NAF1: variants seen among roughly 807,000 people sequenced by gnomAD.
The protein encoded by NAF1 is nuclear assembly factor 1 ribonucleoprotein, also known as H/ACA ribonucleoprotein complex non-core subunit NAF1.
In NAF1, 11 loss-of-function variants were observed where a neutral mutation model predicts 40.6. The observed-to-expected ratio is 0.27, with a 90% CI of 0.17 to 0.45. The LOEUF (loss-of-function observed/expected upper bound fraction) is 0.45, where lower values mean the gene tolerates loss of function less well. Among genes scored for constraint, NAF1 ranks in the 20% least tolerant of loss-of-function variants. The pLI, the probability that NAF1 is intolerant of heterozygous loss-of-function variation, is 1.00. For synonymous variants in NAF1, 260 were observed against 228.5 expected, an observed-to-expected ratio of 1.14 and a Z score of -1.24; for missense variants, 607 against 611.1, an observed-to-expected ratio of 0.99 and a Z score of 0.07.
chr4:163,118,416 A>G (rs1353275937), intron 2 of NAF1, among the ~76,000 whole-genome samples: 1 of 152,226 alleles, frequency 6.6e-6, no homozygotes, highest in Non-Finnish European at 1.5e-5. Flanking sequence ...ATGAGAACTG[A>G]AGTCTATTCT....
At chr4:163,144,849 G>A (rs1731400897) in intron 4 of NAF1, among the ~76,000 whole-genome samples, 2 of 152,222 alleles carry the variant, frequency 1.3e-5, no homozygotes, top group East Asian at 1.9e-4. Flanking sequence ...CAAAAAAAAT[G>A]TCTGTTTAGA....
intron 3 of NAF1, among the ~76,000 whole-genome samples, chr4:163,147,895 G>A (rs1731536761): frequency 6.6e-6 from 1 of 152,052 alleles, no homozygotes; most frequent in Non-Finnish European, 1.5e-5. Flanking sequence ...AAAAGTCAAG[G>A]AATGTGGGCA....
the NAF1 span, among the ~76,000 whole-genome samples, chr4:163,104,048 TAC>T: frequency 6.2e-4 from 93 of 150,980 alleles, no homozygotes; most frequent in African/African-American, 2.1e-3. Context: ...AGTGGAAAAT[TAC>T]AGTCAAAGGG....
chr4:163,121,095 T>C (rs1730506546), intron 2 of NAF1, among the ~76,000 whole-genome samples: 1 of 152,120 alleles, frequency 6.6e-6, no homozygotes, highest in Admixed American at 6.5e-5. Flanking sequence ...TTCACCATGT[T>C]GGCCAGGCTG....
downstream of NAF1, among the ~76,000 whole-genome samples, chr4:163,106,926 T>C (rs1256955966): frequency 6.6e-6 from 1 of 152,174 alleles, no homozygotes; most frequent in Non-Finnish European, 1.5e-5. Context: ...TTTCAAAGAA[T>C]GATACATTTC....
intron 2 of NAF1, among the ~76,000 whole-genome samples, chr4:163,153,624 T>C (rs1330250196): frequency 6.6e-6 from 1 of 152,122 alleles, no homozygotes; most frequent in Non-Finnish European, 1.5e-5. Flanking sequence ...AGAACTGGTG[T>C]GTCAAAACTC....
chr4:163,129,065 T>A lies in NAF1; in HGVS notation c.1317A>T (p.Pro439=). 2.4e-6 allele frequency: 2 copies of A among 826,020 alleles called. No individual in the cohort carries two copies. The highest frequency in any genetic ancestry group is 3.6e-5 in the Admixed American group (1 of 27,408). The allele number at this position is 826,020 out of a possible 1,614,324, so 51.2% of individuals were successfully genotyped here. The part of the protein sequence containing the change: ...FDMHNFPLRP[P]PPPPPPPVNM... ...TTACAGGTGGGGGTGGTGGTGGGGG[T>A]GGAGGGCGGAGGGGAAAATTATGCA... Residue 439 remains proline, a synonymous_variant, in exon 8 of 8, where the codon CCA becomes CCT. Transcript: ENST00000274054.
intron 2 of NAF1, among the ~76,000 whole-genome samples, chr4:163,113,867 T>A (rs1409790827): frequency 3.3e-5 from 5 of 152,242 alleles, no homozygotes; most frequent in African/African-American, 1.2e-4. Flanking sequence ...CTACTTGTGT[T>A]TTATTTACCA....
chr4:163,124,260 G>A (rs570680659), downstream of NAF1, among the ~76,000 whole-genome samples: 54 of 152,284 alleles, frequency 3.5e-4, 1 homozygote, highest in African/African-American at 9.6e-4. Context: ...CAGGTTTAGT[G>A]TCCGGTGATG....
chr4:163,109,453 A>G (rs1730104459), downstream of NAF1, among the ~76,000 whole-genome samples: 1 of 152,162 alleles, frequency 6.6e-6, no homozygotes, highest in Non-Finnish European at 1.5e-5. Flanking sequence ...GGGAAAGAAG[A>G]AAAAAGTTTT....
intron 2 of NAF1, among the ~76,000 whole-genome samples, chr4:163,121,609 C>T (rs1730520122): frequency 1.3e-5 from 2 of 152,096 alleles, no homozygotes; most frequent in Non-Finnish European, 2.9e-5. Context: ...AAACATGAAA[C>T]GTCAGACTGA....
At chr4:163,118,885 T>TG (rs1199917766) in intron 2 of NAF1, among the ~76,000 whole-genome samples, 3 of 152,266 alleles carry the variant, frequency 2.0e-5, no homozygotes, top group Non-Finnish European at 4.4e-5. Flanking sequence ...AGTACCTGGA[T>TG]GGGTCCTTTG....
intron 2 of NAF1, chr4:163,119,577 T>C (rs1421079004): frequency 2.0e-5 from 3 of 152,224 alleles, no homozygotes; most frequent in South Asian, 2.1e-4. Context: ...GATCTTCTAA[T>C]TGTCTTCTTA....
At chr4:163,125,786 A>G (rs1247109061), downstream of NAF1, among the ~76,000 whole-genome samples, 3 of 152,218 alleles carry the variant, frequency 2.0e-5, no homozygotes, top group Non-Finnish European at 4.4e-5. Context: ...ATAGCTGTAG[A>G]ACGGGAATCA....
rs1404289403 is a variant in NAF1, at chr4:163,154,648, G to A, written c.541-6214C>T. ...AGCACTTTGGGAGGCCAAGGCAGGC[G>A]GATCCTGAGGTCAGGAGTCTGAGAC... On this transcript the variant is annotated intron_variant, in intron 2 of 7. Coordinates refer to ENST00000274054, the MANE Select transcript of NAF1 (RefSeq NM_138386.3). 4.6e-5 allele frequency among the ~76,000 whole-genome samples: 7 copies of A among 152,222 alleles called. No individual in the cohort carries two copies. The South Asian group carries it at 6.2e-4, about 14-fold the overall frequency.
At chr4:163,159,321 A>C (rs1432843081) in intron 2 of NAF1, among the ~76,000 whole-genome samples, 1 of 152,122 alleles carries the variant, frequency 6.6e-6, no homozygotes, top group Non-Finnish European at 1.5e-5. Context: ...TTAAGTATAC[A>C]AACCATTGCT....
At chr4:163,104,513 C>A in the NAF1 span, among the ~76,000 whole-genome samples, 1 of 152,134 alleles carries the variant, frequency 6.6e-6, no homozygotes, top group African/African-American at 2.4e-5. Flanking sequence ...CCTATGATCT[C>A]ATTTTGTTTC....
At position 163,160,736 on chromosome 4, in the gene NAF1, T is replaced by C. The variant is rs1034399070; in HGVS notation, c.540+3481A>G. Among the ~76,000 whole-genome samples the C allele has an allele frequency of 1.2e-4, 18 of 152,216 alleles. 1 individual carries two copies. The highest frequency in any genetic ancestry group is 1.0e-3 in the Admixed American group (16 of 15,288). Reference sequence around the variant, plus strand: ...TTGGGCATGTCTATGTCCAGATCCCTGAAGGTCCAGCACAAATTCTAAAAT... The same window carrying C: ...TTGGGCATGTCTATGTCCAGATCCCCGAAGGTCCAGCACAAATTCTAAAAT... On this transcript the variant is annotated intron_variant, in intron 2 of 7. Transcript: ENST00000274054.
chr4:163,151,906 G>A (rs1188657699), intron 2 of NAF1, among the ~76,000 whole-genome samples: 3 of 151,906 alleles, frequency 2.0e-5, no homozygotes, highest in Non-Finnish European at 4.4e-5. Context: ...ATATTTTATT[G>A]CTATTACAAA....
Sources: gnomAD v4.1 joint callset for allele counts (sites outside exome capture counted in the v4.1 genomes callset) on GRCh38, gnomAD v4.1.1 for gene constraint, MANE v1.5 for transcripts, NCBI Gene and HGNC (gene_info 2026-07-23, HGNC 2026-07-21) for gene names.